GALNT13: variants seen among roughly 807,000 people sequenced by gnomAD.
The protein encoded by GALNT13 is UDP-GalNAc:polypeptide N-acetylgalactosaminyltransferase 13.
A neutral mutation model predicts 64.2 loss-of-function variants in GALNT13; 28 were observed. That is an observed-to-expected ratio of 0.44 (90% CI 0.32 to 0.60). The LOEUF is 0.60. Ranked by LOEUF, GALNT13 falls within the 20% of genes least tolerant of loss-of-function variation. The pLI, the probability that GALNT13 is intolerant of heterozygous loss-of-function variation, is 0.05. For synonymous variants in GALNT13, 214 were observed against 224.6 expected, an observed-to-expected ratio of 0.95 and a Z score of 0.42; for missense variants, 577 against 669.8, an observed-to-expected ratio of 0.86 and a Z score of 1.53.
chr2:153,413,202 T>A, the GALNT13 span, among the ~76,000 whole-genome samples: 1 of 152,104 alleles, frequency 6.6e-6, no homozygotes, highest in Non-Finnish European at 1.5e-5. Context: ...CCCTATACTT[T>A]GCTTCCCGTA....
chr2:154,201,914 A>G (rs1428108267), intron 4 of GALNT13, among the ~76,000 whole-genome samples: 1 of 152,134 alleles, frequency 6.6e-6, no homozygotes, highest in Non-Finnish European at 1.5e-5. Flanking sequence ...TTCTTCCTTG[A>G]TGCTTCAAGA....
chr2:154,014,584 T>TTTTTG (rs1553466525), intron 3 of GALNT13, among the ~76,000 whole-genome samples: 1 of 148,486 alleles, frequency 6.7e-6, no homozygotes, highest in Non-Finnish European at 1.5e-5. Context: ...TCTGTTTTTT[T>TTTTTG]TTGTTGTTGT....
At chr2:153,865,057 G>A in the GALNT13 span, among the ~76,000 whole-genome samples, 6 of 148,640 alleles carry the variant, frequency 4.0e-5, no homozygotes, top group East Asian at 1.2e-3. Flanking sequence ...CAAGTAATGG[G>A]GAAAGGATTC....
At chr2:153,846,341 C>G in the GALNT13 span, among the ~76,000 whole-genome samples, 1 of 152,028 alleles carries the variant, frequency 6.6e-6, no homozygotes, top group Non-Finnish European at 1.5e-5. Flanking sequence ...TCCCAAAATA[C>G]TGCCACTGTC....
chr2:153,234,666 C>T, the GALNT13 span, among the ~76,000 whole-genome samples: 3 of 152,144 alleles, frequency 2.0e-5, no homozygotes, highest in African/African-American at 7.2e-5. Context: ...TGTCTGCCTC[C>T]AAAGCATGGG....
At chr2:153,706,011 T>C in the GALNT13 span, among the ~76,000 whole-genome samples, 1 of 152,146 alleles carries the variant, frequency 6.6e-6, no homozygotes, top group African/African-American at 2.4e-5. Flanking sequence ...TATTTTCTTT[T>C]TTTTGAGACA....
the GALNT13 span, among the ~76,000 whole-genome samples, chr2:153,637,690 A>G: frequency 6.6e-6 from 1 of 152,126 alleles, no homozygotes; most frequent in African/African-American, 2.4e-5. Flanking sequence ...GTGTGCTATT[A>G]AAGTGCTGTG....
intron 5 of GALNT13, 25 bp from the exon 6 acceptor site, chr2:154,242,673 T>G: frequency 6.6e-7 from 1 of 1,524,822 alleles, no homozygotes; most frequent in Non-Finnish European, 9.0e-7. Context: ...AAAATTTTTC[T>G]TATAAATTCT....
intron 3 of GALNT13, among the ~76,000 whole-genome samples, chr2:154,076,942 G>A (rs931873640): frequency 1.3e-5 from 2 of 151,442 alleles, no homozygotes; most frequent in Non-Finnish European, 3.0e-5. Flanking sequence ...ACTTATTAAC[G>A]TTTGCAGCAT....
intron 3 of GALNT13, among the ~76,000 whole-genome samples, chr2:154,128,108 A>G (rs1396474838): frequency 1.3e-5 from 2 of 152,032 alleles, no homozygotes; most frequent in African/African-American, 4.8e-5. Flanking sequence ...ATGTTTGACA[A>G]TGTTCTATAT....
At chr2:154,252,774 GATA>G (rs1183459892) in intron 7 of GALNT13, among the ~76,000 whole-genome samples, 4 of 134,698 alleles carry the variant, frequency 3.0e-5, no homozygotes, top group Non-Finnish European at 1.6e-5. Context: ...TAGATAGATA[GATA>G]GATAATAGAT....
At chr2:153,672,108 C>A in the GALNT13 span, among the ~76,000 whole-genome samples, 1 of 152,280 alleles carries the variant, frequency 6.6e-6, no homozygotes, top group African/African-American at 2.4e-5. Context: ...TGATGGGAGA[C>A]TTTAACACCC....
intron 9 of GALNT13, among the ~76,000 whole-genome samples, chr2:154,381,279 G>T (rs1698257023): frequency 1.3e-5 from 2 of 151,858 alleles, no homozygotes; most frequent in African/African-American, 2.4e-5. Context: ...AAACCAGGAG[G>T]CACTTTCTGT....
intron 3 of GALNT13, among the ~76,000 whole-genome samples, chr2:154,128,275 T>C (rs1377499191): frequency 6.6e-6 from 1 of 152,120 alleles, no homozygotes; most frequent in Non-Finnish European, 1.5e-5. Flanking sequence ...GTTGACTTAT[T>C]GTTTTGAATT....
chr2:153,892,242 T>C (rs151029019), intron 1 of GALNT13, among the ~76,000 whole-genome samples: 4,418 of 152,094 alleles, frequency 0.029, 107 homozygotes, highest in Middle Eastern at 0.075. Context: ...TCTATAAATG[T>C]CTTGAAAAAT....
the GALNT13 span, among the ~76,000 whole-genome samples, chr2:153,227,798 A>T: frequency 1.3e-5 from 2 of 152,206 alleles, no homozygotes; most frequent in Non-Finnish European, 2.9e-5. Context: ...ATTCTGGATG[A>T]TCCATTTTTC....
chr2:153,478,232 C>T, the GALNT13 span: 3 of 1,604,598 alleles, frequency 1.9e-6, no homozygotes, highest in Non-Finnish European at 1.7e-6. Context: ...GGGCAGAGGG[C>T]GGGTCAGTAG....
chr2:153,903,718 T>C (rs1445552789), intron 2 of GALNT13, among the ~76,000 whole-genome samples: 1 of 150,056 alleles, frequency 6.7e-6, no homozygotes, highest in Admixed American at 6.7e-5. Flanking sequence ...TATTAAAATT[T>C]ATCTCAGGTA....
At chr2:153,724,005 T>G in the GALNT13 span, among the ~76,000 whole-genome samples, 4 of 148,106 alleles carry the variant, frequency 2.7e-5, no homozygotes, top group African/African-American at 5.1e-5. Context: ...AAGTCAATCC[T>G]AAGCCAAAAG....
Sources: gnomAD v4.1 joint callset for allele counts (sites outside exome capture counted in the v4.1 genomes callset) on GRCh38, gnomAD v4.1.1 for gene constraint, MANE v1.5 for transcripts, NCBI Gene and HGNC (gene_info 2026-07-23, HGNC 2026-07-21) for gene names.